Variants in RNF150 observed in about 807,000 individuals in gnomAD.
RNF150 encodes ring finger protein 150.
A neutral mutation model predicts 39.3 loss-of-function variants in RNF150; 24 were observed. That is an observed-to-expected ratio of 0.61 (90% CI 0.44 to 0.86). RNF150 has a LOEUF of 0.86. Ranked by LOEUF, RNF150 falls within the 40% of genes least tolerant of loss-of-function variation. The pLI, the probability that RNF150 is intolerant of heterozygous loss-of-function variation, is 0.00. For missense variants in RNF150, 502 were observed against 587.8 expected (o/e 0.85, Z 1.51); for synonymous variants, 255 against 227.3 (o/e 1.12, Z -1.10).
At chr4:140,979,275 C>A (rs952803612) in intron 1 of RNF150, among the ~76,000 whole-genome samples, 1 of 152,102 alleles carries the variant, frequency 6.6e-6, no homozygotes, top group Middle Eastern at 3.2e-3. Context: ...CTAGTGGAAT[C>A]ACAGTATAGG....
chr4:140,925,900 GTATAATGTTTTC>G, intron 5 of RNF150, 65 bp downstream of exon 5: 1 of 989,974 alleles, frequency 1.0e-6, no homozygotes, highest in Non-Finnish European at 1.6e-6. Flanking sequence ...GAACATCCAA[GTATAATGTTTTC>G]TCCCTGCTTT....
intron 1 of RNF150, among the ~76,000 whole-genome samples, chr4:141,167,460 G>A (rs948390745): frequency 4.6e-5 from 7 of 152,070 alleles, no homozygotes; most frequent in African/African-American, 1.7e-4. Context: ...AATTTCATAT[G>A]GAACCAAAAG....
At chr4:141,111,626 C>G (rs4267811) in intron 1 of RNF150, among the ~76,000 whole-genome samples, 116,956 of 152,040 alleles carry the variant, frequency 0.77, 46,017 homozygotes, top group East Asian at 0.88. Context: ...AAAGGGAACA[C>G]TAAAAATAGA....
chr4:140,903,451 C>T (rs1368897013), intron 6 of RNF150, among the ~76,000 whole-genome samples: 3 of 152,128 alleles, frequency 2.0e-5, no homozygotes, highest in African/African-American at 4.8e-5. Flanking sequence ...GCTTTAGAAT[C>T]GAAATGCAAA....
chr4:141,029,258 T>C (rs1735835157), intron 1 of RNF150, among the ~76,000 whole-genome samples: 1 of 152,310 alleles, frequency 6.6e-6, no homozygotes, highest in South Asian at 2.1e-4. Flanking sequence ...TGATAATGTA[T>C]AGAAACAGGC....
chr4:141,171,242 A>C (rs943444919), intron 1 of RNF150, among the ~76,000 whole-genome samples: 2 of 152,186 alleles, frequency 1.3e-5, no homozygotes, highest in Non-Finnish European at 2.9e-5. Context: ...AGTCAGTAGC[A>C]GAATCAGGAC....
chr4:140,936,610 C>T (rs940091961), intron 4 of RNF150, among the ~76,000 whole-genome samples: 5 of 151,720 alleles, frequency 3.3e-5, no homozygotes, highest in East Asian at 1.9e-4. Flanking sequence ...ACACAAAATT[C>T]GTTAATTTTA....
In RNF150 at chr4:141,095,166, A is replaced by C. The variant is rs551890213; in HGVS notation, c.484+37159T>G. Among the ~76,000 whole-genome samples the C allele has an allele frequency of 3.3e-5, 5 of 152,352 alleles. No individual in the cohort carries two copies. The East Asian group carries it at 9.7e-4, about 29-fold the overall frequency. ...CCACCCACCCCAAGAGTGGGTAAGA[A>C]GAAATCAGCTACAATTTTAAGAAAT... On this transcript the variant is annotated intron_variant, in intron 1 of 6. Coordinates refer to ENST00000515673, the MANE Select transcript of RNF150 (RefSeq NM_020724.2).
chr4:141,024,354 G>C (rs28428787), intron 1 of RNF150, among the ~76,000 whole-genome samples: 1 of 151,818 alleles, frequency 6.6e-6, no homozygotes, highest in African/African-American at 2.4e-5. Context: ...CTATCTGTGG[G>C]TCTCTCTCCA....
intron 1 of RNF150, among the ~76,000 whole-genome samples, chr4:141,114,669 G>A (rs773461635): frequency 1.8e-4 from 28 of 151,510 alleles, no homozygotes; most frequent in Non-Finnish European, 3.3e-4. Flanking sequence ...TCCTGATATC[G>A]AAACCTGGCA....
rs749554574 is a variant in RNF150 at position 140,868,291 on chromosome 4, A to G, written c.1287T>C (p.Thr429=). 1 of 1,605,400 alleles carries G rather than the reference A, an allele frequency of 6.2e-7. No homozygotes were observed. Among genetic ancestry groups the G allele is most frequent in the South Asian group, 1.1e-5 (1 of 90,902 alleles). ...ATTTCACTTCTTCACAGTCCTGGTC[A>G]GTGGAAAGTTCTACATCAGACAGTC... ...EVGLSDVELS[T]DQDCEEVKS Residue 429 remains threonine, a synonymous_variant, in exon 7 of 7, where the codon ACT becomes ACC. Transcript: ENST00000515673.
At chr4:140,910,775 TC>T in intron 6 of RNF150, among the ~76,000 whole-genome samples, 2 of 152,298 alleles carry the variant, frequency 1.3e-5, no homozygotes, top group East Asian at 3.9e-4. Flanking sequence ...CCTATCCCAG[TC>T]CTGCTGAGCA....
At chr4:141,068,300 A>C (rs1212614458) in intron 1 of RNF150, among the ~76,000 whole-genome samples, 1 of 152,168 alleles carries the variant, frequency 6.6e-6, no homozygotes, top group Non-Finnish European at 1.5e-5. Flanking sequence ...ATTATATAGC[A>C]AGTTTTAGCA....
intron 1 of RNF150, among the ~76,000 whole-genome samples, chr4:141,129,945 GCTTTT>G (rs1726849355): frequency 6.6e-6 from 1 of 152,146 alleles, no homozygotes; most frequent in African/African-American, 2.4e-5. Flanking sequence ...TATATCATCA[GCTTTT>G]GCAGTTTTTA....
At chr4:141,142,089 G>T (rs923026680) in intron 1 of RNF150, among the ~76,000 whole-genome samples, 8 of 151,918 alleles carry the variant, frequency 5.3e-5, no homozygotes, top group Middle Eastern at 3.4e-3. Flanking sequence ...TCCTTTGAAC[G>T]TTTTATACCT....
intron 1 of RNF150, among the ~76,000 whole-genome samples, chr4:141,121,667 C>T (rs1479211581): frequency 6.6e-6 from 1 of 152,136 alleles, no homozygotes; most frequent in Non-Finnish European, 1.5e-5. Flanking sequence ...TCTTGCTGGT[C>T]ACCAAAACCA....
At chr4:141,027,240 T>C (rs1222702804) in intron 1 of RNF150, among the ~76,000 whole-genome samples, 1 of 152,214 alleles carries the variant, frequency 6.6e-6, no homozygotes, top group Non-Finnish European at 1.5e-5. Context: ...TGGAACCTTC[T>C]TGCTTCAAAA....
intron 1 of RNF150, among the ~76,000 whole-genome samples, chr4:141,018,040 C>A (rs1035609599): frequency 6.6e-6 from 1 of 152,032 alleles, no homozygotes; most frequent in Non-Finnish European, 1.5e-5. Context: ...CAGTTAGGGG[C>A]TTAAAAGAAT....
intron 1 of RNF150, among the ~76,000 whole-genome samples, chr4:140,971,314 A>T (rs1733456903): frequency 6.6e-6 from 1 of 152,142 alleles, no homozygotes; most frequent in Admixed American, 6.6e-5. Context: ...AGCCCAGCAC[A>T]GTGATCTGAG....
Sources: gnomAD v4.1 joint callset for allele counts (sites outside exome capture counted in the v4.1 genomes callset) on GRCh38, gnomAD v4.1.1 for gene constraint, MANE v1.5 for transcripts, NCBI Gene and HGNC (gene_info 2026-07-23, HGNC 2026-07-21) for gene names.